The following ABCC5 variants were observed in gnomAD, a reference collection of about 807,000 sequenced individuals.
ABCC5 encodes the protein ATP-binding cassette sub-family C member 5.
In ABCC5, 61 loss-of-function variants were observed where a neutral mutation model predicts 160.9. That is an observed-to-expected ratio of 0.38 (90% CI 0.31 to 0.47). ABCC5 has a LOEUF of 0.47. Ranked by LOEUF, ABCC5 falls within the 20% of genes least tolerant of loss-of-function variation. The pLI, the probability that ABCC5 is intolerant of heterozygous loss-of-function variation, is 0.99. For missense variants in ABCC5, 1,308 were observed against 1,813.3 expected, an observed-to-expected ratio of 0.72 and a Z score of 5.06; for synonymous variants, 666 against 700.6, an observed-to-expected ratio of 0.95 and a Z score of 0.78.
At chr3:183,944,143 A>G (rs998771473) in intron 24 of ABCC5, among the ~76,000 whole-genome samples, 2 of 152,208 alleles carry the variant, frequency 1.3e-5, no homozygotes, top group Admixed American at 6.5e-5. Context: ...CTATAATCCC[A>G]GCATTTTGGG....
chr3:183,940,982 C>T (rs1714283936), intron 25 of ABCC5, among the ~76,000 whole-genome samples: 1 of 152,088 alleles, frequency 6.6e-6, no homozygotes, highest in Non-Finnish European at 1.5e-5. Context: ...CTTCAGCCTC[C>T]CGAGTAGCTG....
At chr3:183,991,192 G>A (rs1002604025) in intron 2 of ABCC5, among the ~76,000 whole-genome samples, 2 of 151,948 alleles carry the variant, frequency 1.3e-5, no homozygotes, top group African/African-American at 4.8e-5. Context: ...AGCTACTTGG[G>A]AGATGGAGGC....
At position 183,977,620 on chromosome 3, in the gene ABCC5, A is replaced by G; in HGVS notation, c.1301T>C (p.Phe434Ser). ...LGFDLTAAQAFTVVTVFNSMT... is the reference protein window; with the variant it reads ...LGFDLTAAQASTVVTVFNSMT... ...GGAATTGAAGACTGTCACCACTGTG[A>G]AAGCCTGAAAATAGGAGAAGAGAAG... Residue 434 changes from phenylalanine to serine, a missense_variant, in exon 10 of 30, where the codon TTC becomes TCC. This residue lies in a region of ABCC5 where 1,142 missense variants were observed against 1,527.1 expected (regional missense o/e 0.75). Transcript: ENST00000334444. The G allele has an allele frequency of 6.2e-7, 1 of 1,612,402 alleles. No homozygotes were observed. The highest frequency in any genetic ancestry group is 2.2e-5 in the East Asian group (1 of 44,840).
chr3:183,998,329 C>T (rs1720443616), intron 2 of ABCC5, among the ~76,000 whole-genome samples: 1 of 152,110 alleles, frequency 6.6e-6, no homozygotes, highest in Admixed American at 6.5e-5. Context: ...CTCAGGTTGT[C>T]TTGACATTAG....
At chr3:184,005,728 T>A (rs1400963971) in intron 2 of ABCC5, among the ~76,000 whole-genome samples, 3 of 152,058 alleles carry the variant, frequency 2.0e-5, no homozygotes, top group Non-Finnish European at 4.4e-5. Flanking sequence ...CACGTATACA[T>A]ATGTAACAAA....
chr3:184,017,268 C>G lies in ABCC5; in HGVS notation c.-56+562G>C, dbSNP rs1471293195. The G allele has an allele frequency of 6.6e-6, 1 of 152,280 alleles. No homozygotes were observed. The highest frequency in any genetic ancestry group is 1.9e-4 in the East Asian group (1 of 5,190). The allele number at this position is 152,280 out of a possible 1,614,324, so 9.4% of individuals were successfully genotyped here. A position where few individuals can be genotyped will look rare whatever the true frequency, so the allele number is the denominator to read the frequency against. On this transcript the variant is annotated intron_variant, in intron 1 of 29. Transcript: ENST00000334444. This position sits in a 1 kb window ranked among gnomAD's most constrained non-coding sequence, Gnocchi z 4.5. ...CCGTGGAGAGATCTGGGCTGCGTTC[C>G]CGGCACAGCCACGGCTTTGCTGCGC...
chr3:183,952,245 CAAGA>C, intron 18 of ABCC5, among the ~76,000 whole-genome samples: 1 of 149,984 alleles, frequency 6.7e-6, no homozygotes, highest in Middle Eastern at 3.4e-3. Flanking sequence ...CTCCTGAGTT[CAAGA>C]AATTCTCATG....
chr3:183,985,796 C>G, intron 5 of ABCC5: 1 of 223,936 alleles, frequency 4.5e-6, no homozygotes, highest in Non-Finnish European at 9.1e-6. Context: ...CAGTCCCCAC[C>G]GGCGTCACCA....
chr3:184,016,181 T>A (rs1364179532), intron 1 of ABCC5, among the ~76,000 whole-genome samples: 1 of 152,230 alleles, frequency 6.6e-6, no homozygotes, highest in Non-Finnish European at 1.5e-5. Flanking sequence ...ACTTCCCTGT[T>A]ATGACACAAA....
rs758835113 is a variant in ABCC5 at position 183,965,188 on chromosome 3, C to G, written c.2028G>C (p.Thr676=). The G allele has an allele frequency of 1.9e-6, 3 of 1,614,088 alleles. No homozygotes were observed. The highest frequency in any genetic ancestry group is 2.5e-6 in the Non-Finnish European group (3 of 1,179,978). ...DLAILPSSDL[T]EIGERGANLS... is the part of the protein sequence containing the mutation. ...GTCAGGGGCGGAAGGCCTGTACCTC[C>G]GTCAGGTCGCTGCTGGGAAGAATGG... The change falls in exon 14 of 30, where the codon ACG becomes ACC. Residue 676 remains threonine, a synonymous_variant. Transcript: ENST00000334444.
chr3:183,927,512 A>T, intron 27 of ABCC5, 69 bp from the exon 28 acceptor site: 1 of 1,538,822 alleles, frequency 6.5e-7, no homozygotes. Context: ...ATCCAAGGAC[A>T]GAAAGAAATG....
rs551829941 is a variant in ABCC5 at position 183,940,217 on chromosome 3, G to A, written c.3695-2157C>T. 1.1e-3 allele frequency among the ~76,000 whole-genome samples: 161 copies of A among 152,100 alleles called. 2 individuals carry two copies. The East Asian group carries it at 0.011, about 11-fold the overall frequency. On this transcript the variant is annotated intron_variant, in intron 25 of 29. Transcript: ENST00000334444. ...TCCTAGAAATGAGTGACTCCAGGCC[G>A]GTGGGCGCAGCGGTTCACACCTGTA...
intron 1 of ABCC5, among the ~76,000 whole-genome samples, chr3:184,016,111 T>C (rs1349191449): frequency 1.3e-5 from 2 of 152,188 alleles, no homozygotes; most frequent in Non-Finnish European, 2.9e-5. Context: ...ACCACTTTTA[T>C]TTCAAAGGAT....
At chr3:183,970,975 C>T (rs1577562414) in intron 11 of ABCC5, among the ~76,000 whole-genome samples, 1 of 152,086 alleles carries the variant, frequency 6.6e-6, no homozygotes, top group Non-Finnish European at 1.5e-5. Flanking sequence ...ATGACACGGA[C>T]CTGTGAATAT....
rs773710170 is a variant in ABCC5 at position 183,959,798 on chromosome 3, T to G, written c.2417A>C (p.Lys806Thr). 5 of 1,612,838 alleles carry G rather than the reference T, an allele frequency of 3.1e-6. No homozygotes were observed. The highest frequency in any genetic ancestry group is 4.2e-6 in the Non-Finnish European group (5 of 1,179,432). ...SKKETSGSQK[K>T]SQDKGPKTGS... Reference sequence around the variant, plus strand: ...TGTTTTAGGACCCTTGTCTTGTGACTTCTTCTGTGAACCACTGGTTTCCTT... The same window carrying G: ...TGTTTTAGGACCCTTGTCTTGTGACGTCTTCTGTGAACCACTGGTTTCCTT... The change falls in exon 17 of 30, where the codon AAG becomes ACG. Residue 806 changes from lysine (K) to threonine (T), a missense_variant. This residue lies in a region of ABCC5 where 1,142 missense variants were observed against 1,527.1 expected (regional missense o/e 0.75). Transcript: ENST00000334444.
At chr3:183,981,696 C>G (rs745761623) in intron 8 of ABCC5, 31 bp downstream of exon 8, 1 of 1,605,680 alleles carries the variant, frequency 6.2e-7, no homozygotes, top group South Asian at 1.1e-5. Context: ...GGTCCTTCTA[C>G]CACATGCACA....
intron 25 of ABCC5, among the ~76,000 whole-genome samples, chr3:183,939,988 C>T (rs1714136074): frequency 6.6e-6 from 1 of 152,092 alleles, no homozygotes; most frequent in African/African-American, 2.4e-5. Flanking sequence ...GCCACGACCC[C>T]ACTGTCGGGA....
chr3:183,967,554 C>A, intron 12 of ABCC5, 141 bp downstream of exon 12: 1 of 737,620 alleles, frequency 1.4e-6, no homozygotes, highest in South Asian at 1.6e-5. Context: ...GGGGGAACTG[C>A]GGGGGATTGG....
chr3:183,928,605 A>T (rs1560467307), intron 27 of ABCC5, 142 bp downstream of exon 27: 1 of 681,084 alleles, frequency 1.5e-6, no homozygotes, highest in Non-Finnish European at 2.5e-6. Flanking sequence ...CAGGTATCTG[A>T]AAGACTTGGA....
Sources: allele counts gnomAD v4.1 joint callset (sites outside exome capture counted in the v4.1 genomes callset), GRCh38; gene constraint gnomAD v4.1.1; regional missense constraint gnomAD v4.1.1; non-coding constraint Gnocchi (gnomAD v3.1); transcripts MANE v1.5; gene names NCBI Gene and HGNC (gene_info 2026-07-23, HGNC 2026-07-21).